GIT2: variants seen among roughly 807,000 people sequenced by gnomAD.
The protein encoded by GIT2 is GIT ArfGAP 2.
Under a neutral mutation model 100.3 loss-of-function variants are expected in GIT2, and 32 were observed. That is an observed-to-expected ratio of 0.32 (90% CI 0.24 to 0.43). The LOEUF (loss-of-function observed/expected upper bound fraction) is 0.43, where lower values mean the gene tolerates loss of function less well. Ranked by LOEUF, GIT2 falls within the 20% of genes least tolerant of loss-of-function variation. The pLI is 1.00. For synonymous variants in GIT2, 353 were observed against 364.1 expected (o/e 0.97, Z 0.35); for missense variants, 737 against 975.1 (o/e 0.76, Z 3.25).
At chr12:109,952,234 A>T (rs182255220) in intron 13 of GIT2, among the ~76,000 whole-genome samples, 80 of 152,244 alleles carry the variant, frequency 5.3e-4, no homozygotes, top group Admixed American at 5.2e-3. Flanking sequence ...CTATTCATCC[A>T]TTCTCAAATG....
chr12:109,942,023 C>A (rs953531904), intron 16 of GIT2, among the ~76,000 whole-genome samples: 3 of 152,066 alleles, frequency 2.0e-5, no homozygotes, highest in African/African-American at 4.8e-5. Flanking sequence ...CAAGGTCTCA[C>A]TATGTTGCCC....
In GIT2 at chr12:109,991,644, G is replaced by C. The variant is rs755822981; in HGVS notation, c.169C>G (p.Pro57Ala). Residue 57 changes from proline to alanine, a missense_variant, in exon 2 of 20, where the codon CCT (proline) becomes GCT (alanine). Around this residue, in one of 3 missense-constraint regions of GIT2, gnomAD observed 266 missense variants for 376.2 expected, o/e 0.71. Coordinates refer to ENST00000355312, the MANE Select transcript of GIT2 (RefSeq NM_057169.5). ...QVRHLKHTPW[P>A]PTLLQMVETL... is the part of the protein sequence containing the mutation. ...TCCTTTACCTGAAGCAGTGTTGGAG[G>C]CCACGGTGTGTGTTTCAGATGCCTC... 5 of 1,613,140 alleles carry C rather than the reference G, an allele frequency of 3.1e-6. No individual in the cohort carries two copies. In the South Asian group the frequency reaches 5.5e-5, roughly 18 times the overall value.
intron 12 of GIT2, among the ~76,000 whole-genome samples, chr12:109,958,068 C>T (rs752578262): frequency 6.6e-6 from 1 of 152,000 alleles, no homozygotes; most frequent in Non-Finnish European, 1.5e-5. Flanking sequence ...CCTCAGCCTC[C>T]TGAGTAGCTG....
In GIT2 at chr12:109,945,264, C is replaced by A; in HGVS notation, c.1727G>T (p.Arg576Leu). The change falls in exon 16 of 20, where the codon CGA becomes CTA. Residue 576 changes from arginine (R) to leucine (L), a missense_variant. Around this residue, in one of 3 missense-constraint regions of GIT2, gnomAD observed 451 missense variants for 543.7 expected, o/e 0.83. Coordinates refer to ENST00000355312, the MANE Select transcript of GIT2 (RefSeq NM_057169.5). ...TLSWSRDESA[R>L]RASRLEKQNS... is the part of the protein sequence containing the mutation. ...ACCATTCAGAATGTACTTAACCCTT[C>A]GGGCGCTTTCGTCCCTCGACCAGGA... The A allele has an allele frequency of 6.6e-7, 1 of 1,506,758 alleles. No homozygotes were observed. The highest frequency in any genetic ancestry group is 1.1e-5 in the South Asian group (1 of 88,404). 93.3% of individuals were successfully genotyped at this position (1,506,758 alleles called of 1,614,324 possible).
rs1441440598 is a variant in GIT2 at position 109,964,479 on chromosome 12, G to A, written c.816+1047C>T. Among the ~76,000 whole-genome samples the A allele has an allele frequency of 5.3e-5, 8 of 152,108 alleles. No individual in the cohort carries two copies. In the East Asian group the frequency reaches 1.5e-3, roughly 29 times the overall value. On this transcript the variant is annotated intron_variant, in intron 9 of 19. Transcript: ENST00000355312. ...AATGTCAGAGTCAGGCTTTGGGAAA[G>A]CCGCTACCTACACTGGTCAGATTTC...
rs1368115496 is a variant in GIT2 at position 109,934,657 on chromosome 12, G to A, written c.2004-572C>T. Among the ~76,000 whole-genome samples the A allele has an allele frequency of 2.0e-5, 3 of 152,200 alleles. No individual in the cohort carries two copies. Among genetic ancestry groups the A allele is most frequent in the Admixed American group, 2.0e-4 (3 of 15,286 alleles). On this transcript the variant is annotated intron_variant, in intron 18 of 19. Transcript: ENST00000355312. The surrounding 1 kb of genome is among the most constrained non-coding windows in gnomAD (Gnocchi z 4.5). ...CAGCCTCCAAAGTGCTGGGGTTACA[G>A]GTGTGAGCCACGGTGTCCAGCCCTT...
chr12:109,941,250 T>C (rs1024393426), intron 16 of GIT2, among the ~76,000 whole-genome samples: 3 of 152,204 alleles, frequency 2.0e-5, no homozygotes, highest in Admixed American at 2.0e-4. Flanking sequence ...AACGTTAGCT[T>C]GGAGCCATAT....
At chr12:109,950,577 T>C (rs556514997) in intron 14 of GIT2, 1 of 152,600 alleles carries the variant, frequency 6.6e-6, no homozygotes, top group East Asian at 1.9e-4. Flanking sequence ...AGGTAATGAA[T>C]GAGAAAATGC....
At chr12:109,982,638 C>CTTTTTTT (rs555052169) in intron 6 of GIT2, 1 of 126,484 alleles carries the variant, frequency 7.9e-6, no homozygotes, top group Non-Finnish European at 1.7e-5. Flanking sequence ...ACAGTGAGCA[C>CTTTTTTT]TTTTTTTTTT....
At chr12:109,985,514 G>A (rs1887202163) in intron 4 of GIT2, among the ~76,000 whole-genome samples, 1 of 152,090 alleles carries the variant, frequency 6.6e-6, no homozygotes, top group Non-Finnish European at 1.5e-5. Flanking sequence ...CCAAGAATTT[G>A]AGACCAGTAT....
intron 7 of GIT2, among the ~76,000 whole-genome samples, chr12:109,977,227 A>G (rs906169657): frequency 6.6e-6 from 1 of 152,174 alleles, no homozygotes; most frequent in Non-Finnish European, 1.5e-5. Context: ...ATGAGAAAAA[A>G]TAATAATAAT....
intron 7 of GIT2, among the ~76,000 whole-genome samples, chr12:109,977,790 C>A (rs566347300): frequency 1.3e-4 from 19 of 150,328 alleles, no homozygotes; most frequent in East Asian, 1.2e-3. Flanking sequence ...CCACTGCACT[C>A]CAGCCTGGGC....
chr12:109,943,067 A>C (rs1286683478), intron 16 of GIT2: 1 of 152,216 alleles, frequency 6.6e-6, no homozygotes, highest in Non-Finnish European at 1.5e-5. Flanking sequence ...ACACGCCATA[A>C]AAATCTAAAC....
intron 9 of GIT2, among the ~76,000 whole-genome samples, chr12:109,961,944 A>T (rs980050142): frequency 6.6e-6 from 1 of 152,204 alleles, no homozygotes; most frequent in Non-Finnish European, 1.5e-5. Context: ...TCTAAAGTGC[A>T]TCATCTCAGA....
At chr12:109,995,644 G>A (rs1889212432) in intron 1 of GIT2, among the ~76,000 whole-genome samples, 1 of 152,168 alleles carries the variant, frequency 6.6e-6, no homozygotes, top group Admixed American at 6.5e-5. Context: ...GGTTGTGTTT[G>A]GAAGACCCCG....
In GIT2 at chr12:109,933,759, G is replaced by T. The variant is rs1470607069; in HGVS notation, c.2067+263C>A. The stretch of plus-strand genomic sequence containing the variant: ...TGGGATTACAGGCATGCACCACCAC[G>T]CCTGACTAATTTTGTATTTTTAGTA... On this transcript the variant is annotated intron_variant, in intron 19 of 19. Coordinates refer to ENST00000355312, the MANE Select transcript of GIT2 (RefSeq NM_057169.5). The surrounding 1 kb of genome is among the most constrained non-coding windows in gnomAD (Gnocchi z 4.5). 8 of 378,158 alleles carry T rather than the reference G, an allele frequency of 2.1e-5. No individual in the cohort carries two copies. Among genetic ancestry groups the T allele is most frequent in the Non-Finnish European group, 3.5e-5 (7 of 200,568 alleles). The allele number at this position is 378,158 out of a possible 1,614,324, so 23.4% of individuals were successfully genotyped here. A position where few individuals can be genotyped will look rare whatever the true frequency, so the allele number is the denominator to read the frequency against.
rs1377263714 is a variant in GIT2 at position 109,948,183 on chromosome 12, A to C, written c.1393-679T>G. On this transcript the variant is annotated intron_variant, in intron 14 of 19. Coordinates refer to ENST00000355312, the MANE Select transcript of GIT2 (RefSeq NM_057169.5). The surrounding 1 kb of genome is among the most constrained non-coding windows in gnomAD (Gnocchi z 4.3). The stretch of plus-strand genomic sequence containing the variant: ...GGTAAGTTTGCTATATTAACATATC[A>C]CGAAGAAAACTGGAAACCTATTGAT... The C allele has an allele frequency of 3.1e-6, 3 of 982,396 alleles. No homozygotes were observed. Among genetic ancestry groups the C allele is most frequent in the Non-Finnish European group, 3.6e-6 (3 of 827,360 alleles). The allele number at this position is 982,396 out of a possible 1,614,324, so 60.9% of individuals were successfully genotyped here.
chr12:109,972,213 A>G (rs1156923854), intron 7 of GIT2, among the ~76,000 whole-genome samples: 1 of 152,058 alleles, frequency 6.6e-6, no homozygotes, highest in Non-Finnish European at 1.5e-5. Flanking sequence ...ACTGGTTAGG[A>G]TTTCCAGTGT....
intron 7 of GIT2, among the ~76,000 whole-genome samples, chr12:109,974,869 C>T (rs1884700445): frequency 6.6e-6 from 1 of 152,050 alleles, no homozygotes; most frequent in Admixed American, 6.6e-5. Flanking sequence ...TGTAGAGTCT[C>T]CAACAATAAT....
Sources: gnomAD v4.1 joint callset for allele counts (sites outside exome capture counted in the v4.1 genomes callset) on GRCh38, gnomAD v4.1.1 for gene constraint, gnomAD v4.1.1 regional missense constraint, Gnocchi (gnomAD v3.1) non-coding constraint, MANE v1.5 for transcripts, NCBI Gene and HGNC (gene_info 2026-07-23, HGNC 2026-07-21) for gene names.